Variants in CCDC102B observed in about 807,000 individuals in gnomAD.
The protein encoded by CCDC102B is coiled-coil domain containing 102B.
CCDC102B carries 75 observed loss-of-function variants against 57.4 expected under a neutral mutation model. The observed-to-expected ratio is 1.31, with a 90% CI of 1.08 to 1.58. The LOEUF (loss-of-function observed/expected upper bound fraction) is 1.58, where lower values mean the gene tolerates loss of function less well. Ranked by LOEUF, CCDC102B falls within the 40% of genes most tolerant of loss-of-function variation. The pLI is 0.00. For synonymous variants in CCDC102B, 206 were observed against 201.9 expected, an observed-to-expected ratio of 1.02 and a Z score of -0.17; for missense variants, 636 against 582.6, an observed-to-expected ratio of 1.09 and a Z score of -0.94.
intron 5 of CCDC102B, among the ~76,000 whole-genome samples, chr18:68,882,194 A>G (rs1015940672): frequency 9.2e-5 from 14 of 152,342 alleles, no homozygotes; most frequent in South Asian, 8.3e-4. Context: ...TAAATAAACA[A>G]GACAATTATT....
chr18:68,996,374 G>A (rs1454373690), intron 6 of CCDC102B, among the ~76,000 whole-genome samples: 1 of 152,164 alleles, frequency 6.6e-6, no homozygotes, highest in East Asian at 1.9e-4. Context: ...ACTGAAGGCT[G>A]CACTCTCTGC....
chr18:68,974,804 A>G (rs981040866), intron 6 of CCDC102B, among the ~76,000 whole-genome samples: 1 of 151,976 alleles, frequency 6.6e-6, no homozygotes, highest in African/African-American at 2.4e-5. Context: ...ATTATGATCC[A>G]GGAACATAGA....
At chr18:68,900,099 C>A (rs142897213) in intron 6 of CCDC102B, 1 of 152,226 alleles carries the variant, frequency 6.6e-6, no homozygotes, top group Non-Finnish European at 1.5e-5. Context: ...ACAACCATTG[C>A]ATGAAGATTT....
At chr18:68,746,739 T>A (rs1370039369) in intron 2 of CCDC102B, among the ~76,000 whole-genome samples, 1 of 151,764 alleles carries the variant, frequency 6.6e-6, no homozygotes, top group Non-Finnish European at 1.5e-5. Flanking sequence ...CATCTTTTTT[T>A]TTTAAAAAAT....
At chr18:69,043,576 T>TA (rs1366600654) in intron 7 of CCDC102B, among the ~76,000 whole-genome samples, 1 of 152,088 alleles carries the variant, frequency 6.6e-6, no homozygotes, top group African/African-American at 2.4e-5. Context: ...TGATGACTCT[T>TA]AAGGAGCATG....
chr18:68,944,192 T>G (rs948384875), intron 6 of CCDC102B, among the ~76,000 whole-genome samples: 2 of 152,058 alleles, frequency 1.3e-5, no homozygotes, highest in Non-Finnish European at 2.9e-5. Context: ...AGAAGCCAAA[T>G]GGAGTTTGTC....
intron 6 of CCDC102B, among the ~76,000 whole-genome samples, chr18:68,931,889 A>AAT (rs1311443945): frequency 6.6e-6 from 1 of 151,946 alleles, no homozygotes; most frequent in African/African-American, 2.4e-5. Context: ...GAACAAGAGG[A>AAT]ATATTGGTTG....
intron 6 of CCDC102B, among the ~76,000 whole-genome samples, chr18:69,000,890 A>G (rs1182999493): frequency 6.6e-6 from 1 of 152,162 alleles, no homozygotes; most frequent in Non-Finnish European, 1.5e-5. Flanking sequence ...GATTTTTTTC[A>G]TACTGTAGGA....
intron 6 of CCDC102B, among the ~76,000 whole-genome samples, chr18:68,990,254 T>C (rs2050829461): frequency 1.3e-5 from 2 of 152,182 alleles, no homozygotes; most frequent in South Asian, 4.1e-4. Flanking sequence ...CCAGTAATCC[T>C]ACCCTATTTC....
intron 5 of CCDC102B, among the ~76,000 whole-genome samples, chr18:68,876,613 A>G (rs2039459259): frequency 6.6e-6 from 1 of 152,146 alleles, no homozygotes; most frequent in Non-Finnish European, 1.5e-5. Flanking sequence ...TGTTCTAGCA[A>G]AGAGATTTTC....
At chr18:68,840,532 A>G (rs1290342279) in intron 3 of CCDC102B, among the ~76,000 whole-genome samples, 1 of 152,204 alleles carries the variant, frequency 6.6e-6, no homozygotes, top group African/African-American at 2.4e-5. Flanking sequence ...GTAAATTCCT[A>G]ATAGAGGCAA....
At chr18:68,982,050 A>G (rs1160006304) in intron 6 of CCDC102B, among the ~76,000 whole-genome samples, 1 of 151,924 alleles carries the variant, frequency 6.6e-6, no homozygotes, top group Non-Finnish European at 1.5e-5. Context: ...GAAAGGAGAT[A>G]TTTTTGAGGA....
Position 68,836,803 on chromosome 18 carries a change from C to A in CCDC102B, c.40C>A (p.Gln14Lys). 6.2e-7 allele frequency: 1 copy of A among 1,613,516 alleles called. No homozygotes were observed. The highest frequency in any genetic ancestry group is 8.5e-7 in the Non-Finnish European group (1 of 1,179,754). The change falls in exon 2 of 8, where the codon CAG (glutamine) becomes AAG (lysine). Residue 14 changes from glutamine to lysine, a missense_variant. Physicochemically the swap from Gln to Lys is moderately conservative, Grantham distance 53. Coordinates refer to ENST00000360242, the MANE Select transcript of CCDC102B (RefSeq NM_024781.3). ...CATACATCGATTAATTGAGGAAACA[C>A]AGATCTTCCAGATGCAACAATCATC... Reference protein sequence around the residue: ...DSIHRLIEETQIFQMQQSSIK... With the variant: ...DSIHRLIEETKIFQMQQSSIK...
At chr18:68,967,074 G>A (rs1360593854) in intron 6 of CCDC102B, among the ~76,000 whole-genome samples, 1 of 152,124 alleles carries the variant, frequency 6.6e-6, no homozygotes, top group Non-Finnish European at 1.5e-5. Flanking sequence ...ACCTCCTAGA[G>A]TTTATGGAAG....
chr18:69,032,974 A>T (rs2052189121), intron 7 of CCDC102B, among the ~76,000 whole-genome samples: 1 of 152,162 alleles, frequency 6.6e-6, no homozygotes, highest in South Asian at 2.1e-4. Flanking sequence ...CATTATCTAG[A>T]TTAACACATT....
chr18:68,843,260 A>G (rs952649977), intron 3 of CCDC102B, among the ~76,000 whole-genome samples: 1 of 152,222 alleles, frequency 6.6e-6, no homozygotes, highest in African/African-American at 2.4e-5. Context: ...TGTTATAAAA[A>G]TGAATAACTG....
chr18:68,890,393 G>A (rs1031162645), intron 5 of CCDC102B, among the ~76,000 whole-genome samples: 2 of 151,942 alleles, frequency 1.3e-5, no homozygotes, highest in African/African-American at 2.4e-5. Flanking sequence ...ATGCCACCAC[G>A]CCTGACTAAA....
intron 3 of CCDC102B, among the ~76,000 whole-genome samples, chr18:68,844,296 TATAA>T (rs1396123004): frequency 6.6e-6 from 1 of 151,820 alleles, no homozygotes; most frequent in Non-Finnish European, 1.5e-5. Flanking sequence ...TCCATTCTAT[TATAA>T]ATAAAATAAT....
chr18:68,837,259 G>A lies in CCDC102B; in HGVS notation c.496G>A (p.Glu166Lys). ...QDLKLPGFVE[E>K]SCEHTDQFQL... ...TCTGAAGCTTCCTGGCTTCGTAGAA[G>A]AATCCTGTGAACATACAGACCAATT... is the stretch of plus-strand genomic sequence containing the variant. Residue 166 changes from glutamate to lysine, a missense_variant, in exon 2 of 8, where the codon GAA becomes AAA. Coordinates refer to ENST00000360242, the MANE Select transcript of CCDC102B (RefSeq NM_024781.3). 1 of 1,614,130 alleles carries A rather than the reference G, an allele frequency of 6.2e-7. No individual in the cohort carries two copies.
Sources: gnomAD v4.1 joint callset for allele counts (sites outside exome capture counted in the v4.1 genomes callset) on GRCh38, gnomAD v4.1.1 for gene constraint, MANE v1.5 for transcripts, NCBI Gene and HGNC (gene_info 2026-07-23, HGNC 2026-07-21) for gene names.